COP1: variants seen among roughly 807,000 people sequenced by gnomAD.
The protein encoded by COP1 is COP1 E3 ubiquitin ligase, also known as E3 ubiquitin-protein ligase COP1.
A neutral mutation model predicts 101.3 loss-of-function variants in COP1; 24 were observed. That is an observed-to-expected ratio of 0.24 (90% CI 0.17 to 0.33). The LOEUF (loss-of-function observed/expected upper bound fraction) is 0.33, where lower values mean the gene tolerates loss of function less well. Among genes scored for constraint, COP1 ranks in the 10% least tolerant of loss-of-function variants. The pLI is 1.00. For missense variants in COP1, 663 were observed against 906.2 expected (o/e 0.73, Z 3.45); for synonymous variants, 347 against 341.9 (o/e 1.01, Z -0.17).
chr1:176,131,767 T>C (rs1045585407), intron 8 of COP1, among the ~76,000 whole-genome samples: 12 of 151,890 alleles, frequency 7.9e-5, no homozygotes, highest in African/African-American at 2.9e-4. Context: ...ATCTTAAGGA[T>C]CATTTTCACT....
At chr1:176,109,867 G>A (rs1046204718) in intron 9 of COP1, among the ~76,000 whole-genome samples, 1 of 151,932 alleles carries the variant, frequency 6.6e-6, no homozygotes, top group African/African-American at 2.4e-5. Context: ...ACCATCTAGT[G>A]ATAATGTAGC....
intron 11 of COP1, among the ~76,000 whole-genome samples, chr1:176,062,774 G>A (rs113420292): frequency 6.6e-6 from 1 of 151,972 alleles, no homozygotes; most frequent in African/African-American, 2.4e-5. Flanking sequence ...TTATTCAAAT[G>A]AATAAACTGT....
intron 9 of COP1, among the ~76,000 whole-genome samples, chr1:176,089,226 G>A (rs1242839414): frequency 1.3e-5 from 2 of 151,982 alleles, no homozygotes; most frequent in Admixed American, 1.3e-4. Context: ...CAGGGCTGCA[G>A]GGGCTGCACT....
chr1:176,201,329 C>T (rs1457319408), intron 1 of COP1, among the ~76,000 whole-genome samples: 1 of 152,030 alleles, frequency 6.6e-6, no homozygotes, highest in African/African-American at 2.4e-5. Context: ...CCTTTCCTCC[C>T]AAGCTGTGGA....
chr1:176,091,493 G>A (rs1356128559), intron 9 of COP1, among the ~76,000 whole-genome samples: 4 of 152,194 alleles, frequency 2.6e-5, no homozygotes, highest in South Asian at 2.1e-4. Flanking sequence ...ACTATTAATC[G>A]TCATATCTAG....
At chr1:176,090,577 G>C (rs1362288894) in intron 9 of COP1, among the ~76,000 whole-genome samples, 1 of 152,104 alleles carries the variant, frequency 6.6e-6, no homozygotes, top group South Asian at 2.1e-4. Flanking sequence ...CAGGGCAGGG[G>C]GAAAGAGGAG....
chr1:176,006,855 T>C (rs1380045169), intron 15 of COP1, among the ~76,000 whole-genome samples: 2 of 151,838 alleles, frequency 1.3e-5, no homozygotes, highest in Non-Finnish European at 2.9e-5. Flanking sequence ...AGGAGTATCT[T>C]TGTGGCGTTC....
At chr1:176,046,481 A>G (rs1671538645) in intron 11 of COP1, among the ~76,000 whole-genome samples, 157 bp from the exon 12 acceptor site, 1 of 152,090 alleles carries the variant, frequency 6.6e-6, no homozygotes, top group Admixed American at 6.6e-5. Context: ...ATCAAATTAA[A>G]AGTTGTTGAG....
chr1:176,012,378 G>A (rs1664839988), intron 15 of COP1, among the ~76,000 whole-genome samples: 1 of 152,060 alleles, frequency 6.6e-6, no homozygotes, highest in Admixed American at 6.6e-5. Flanking sequence ...CACTCACCTT[G>A]ACCTCCCAAA....
intron 18 of COP1, among the ~76,000 whole-genome samples, chr1:175,985,139 T>C (rs1297804277): frequency 6.6e-6 from 1 of 152,200 alleles, no homozygotes; most frequent in Non-Finnish European, 1.5e-5. Context: ...ATTCTAAAAA[T>C]AGTTTCCAGT....
intron 14 of COP1, among the ~76,000 whole-genome samples, chr1:176,039,781 T>C (rs1670200811): frequency 6.6e-6 from 1 of 152,158 alleles, no homozygotes; most frequent in African/African-American, 2.4e-5. Flanking sequence ...CAAATAATTT[T>C]TGACAAGGGT....
chr1:176,133,223 TACGTAC>T (rs1558174422), intron 8 of COP1, among the ~76,000 whole-genome samples: 4 of 55,812 alleles, frequency 7.2e-5, no homozygotes, highest in African/African-American at 1.6e-4. Flanking sequence ...CATACGTATA[TACGTAC>T]GTATATGTAC....
chr1:176,164,816 AT>A (rs1572627826), intron 3 of COP1, among the ~76,000 whole-genome samples: 1 of 152,194 alleles, frequency 6.6e-6, no homozygotes, highest in African/African-American at 2.4e-5. Context: ...CAACCAACAA[AT>A]ATAAACTGAC....
chr1:176,086,429 T>C (rs1680186440), intron 9 of COP1, among the ~76,000 whole-genome samples: 1 of 152,020 alleles, frequency 6.6e-6, no homozygotes, highest in Non-Finnish European at 1.5e-5. Flanking sequence ...GGTTTCACCG[T>C]GTTAGCCAGG....
At chr1:176,194,983 A>G (rs1439720048) in intron 1 of COP1, among the ~76,000 whole-genome samples, 1 of 151,382 alleles carries the variant, frequency 6.6e-6, no homozygotes, top group Non-Finnish European at 1.5e-5. Context: ...GCTTCTCAGG[A>G]GGCTGAGGTG....
chr1:175,979,499 TA>T (rs66686930), intron 18 of COP1, among the ~76,000 whole-genome samples: 102 of 146,334 alleles, frequency 7.0e-4, no homozygotes, highest in African/African-American at 1.9e-3. Flanking sequence ...GATATGCCTT[TA>T]AAAAAAAAAA....
chr1:176,185,865 A>G (rs1698380911), intron 1 of COP1, among the ~76,000 whole-genome samples: 2 of 152,176 alleles, frequency 1.3e-5, no homozygotes. Flanking sequence ...ATCCTTACGG[A>G]TGATACAATG....
chr1:175,993,213 G>C (rs911953904), intron 15 of COP1, among the ~76,000 whole-genome samples: 1 of 152,182 alleles, frequency 6.6e-6, no homozygotes, highest in Non-Finnish European at 1.5e-5. Flanking sequence ...CTAACAAACA[G>C]AAAGGACATC....
intron 18 of COP1, among the ~76,000 whole-genome samples, chr1:175,956,142 A>G (rs1012121056): frequency 3.3e-5 from 5 of 152,174 alleles, no homozygotes; most frequent in African/African-American, 4.8e-5. Flanking sequence ...TAGTATTATT[A>G]GGATAGACAT....
Sources: gnomAD v4.1 joint callset for allele counts (sites outside exome capture counted in the v4.1 genomes callset) on GRCh38, gnomAD v4.1.1 for gene constraint, MANE v1.5 for transcripts, NCBI Gene and HGNC (gene_info 2026-07-23, HGNC 2026-07-21) for gene names.